Variants in MAEL observed in about 807,000 individuals in gnomAD.
The protein encoded by MAEL is protein maelstrom homolog.
MAEL carries 46 observed loss-of-function variants against 62.0 expected under a neutral mutation model. The ratio of observed to expected loss-of-function variants is 0.74; its 90% CI spans 0.59 to 0.95. MAEL has a LOEUF of 0.95. MAEL is among the 40% of genes least tolerant of loss of function. MAEL has a pLI of 0.00. For missense variants in MAEL, 497 were observed against 526.8 expected, an observed-to-expected ratio of 0.94 and a Z score of 0.55; for synonymous variants, 172 against 175.5, an observed-to-expected ratio of 0.98 and a Z score of 0.16.
chr1:166,986,945 C>CGTGT (rs58393275), upstream of MAEL, among the ~76,000 whole-genome samples: 31,575 of 146,864 alleles, frequency 0.21, 3,714 homozygotes, highest in East Asian at 0.52. Flanking sequence ...AGGAAGGGGA[C>CGTGT]GTGTGTGTGT....
At chr1:167,019,695 A>G (rs1459748522) in intron 10 of MAEL, among the ~76,000 whole-genome samples, 3 of 152,074 alleles carry the variant, frequency 2.0e-5, no homozygotes, top group Non-Finnish European at 2.9e-5. Flanking sequence ...CGTGGCCTCC[A>G]GACTTCTTTA....
rs1274092414 is a variant in MAEL, at chr1:167,004,098, C to A, written c.524-82C>A. 7.2e-6 allele frequency: 9 copies of A among 1,255,996 alleles called. No individual in the cohort carries two copies. In the African/African-American group the frequency reaches 1.4e-4, roughly 19 times the overall value. The allele number at this position is 1,255,996 out of a possible 1,614,324, so 77.8% of individuals were successfully genotyped here. On this transcript the variant is annotated intron_variant, in intron 5 of 11. Transcript: ENST00000367872. ...TTAACTGTGTGTTACCCACTACTCT[C>A]TTCTTGTACCCCCACTTCTATACCT... is the stretch of plus-strand genomic sequence containing the variant.
intron 8 of MAEL, among the ~76,000 whole-genome samples, chr1:167,009,593 T>A (rs1665080140): frequency 6.6e-6 from 1 of 151,542 alleles, no homozygotes; most frequent in Admixed American, 6.6e-5. Flanking sequence ...TCTGGAGATT[T>A]TTTTTTTTTT....
rs1406501752 is a variant in MAEL at position 166,995,744 on chromosome 1, C to CT, written c.523+1676dup. ...TTAATTTTCAAGTTTTACTTAGACTCTGTTTCAGGTTTATTCATCTGTTAA... is the reference window on the plus strand; with the variant it reads ...TTAATTTTCAAGTTTTACTTAGACTCTTGTTTCAGGTTTATTCATCTGTTAA... On this transcript the variant is annotated intron_variant, in intron 5 of 11. Transcript: ENST00000367872. Among the ~76,000 whole-genome samples, 3 of 151,890 alleles carry CT rather than the reference C, an allele frequency of 2.0e-5. No individual in the cohort carries two copies. In the East Asian group the frequency reaches 5.8e-4, roughly 29 times the overall value.
intron 5 of MAEL, among the ~76,000 whole-genome samples, chr1:167,000,869 A>G (rs1253780041): frequency 6.6e-6 from 1 of 152,206 alleles, no homozygotes; most frequent in Admixed American, 6.5e-5. Flanking sequence ...AAGTAGAACT[A>G]CCATTTGAAA....
At chr1:167,003,061 T>A (rs1664743559) in intron 5 of MAEL, among the ~76,000 whole-genome samples, 1 of 152,148 alleles carries the variant, frequency 6.6e-6, no homozygotes. Context: ...TAATCTATCA[T>A]TAGAAGTTGA....
At position 166,989,418 on chromosome 1, in the gene MAEL, A is replaced by G. The variant is rs748140415; in HGVS notation, c.66A>G (p.Leu22=). 2 of 1,603,376 alleles carry G rather than the reference A, an allele frequency of 1.2e-6. No individual in the cohort carries two copies. ...YFFVQEKIPE[L]RRRGLPVARV... Reference sequence around the variant, plus strand: ...TCGTGCAGGAGAAGATCCCCGAACTACGGCGACGAGGCCTGCCTGTGGCTC... The same window carrying G: ...TCGTGCAGGAGAAGATCCCCGAACTGCGGCGACGAGGCCTGCCTGTGGCTC... Residue 22 remains leucine, a synonymous_variant, in exon 1 of 12, where the codon CTA becomes CTG. Transcript: ENST00000367872.
At chr1:166,998,681 C>T (rs1458234944) in intron 5 of MAEL, among the ~76,000 whole-genome samples, 1 of 152,142 alleles carries the variant, frequency 6.6e-6, no homozygotes, top group Non-Finnish European at 1.5e-5. Flanking sequence ...AAGATGTTTC[C>T]CTCTACATGC....
At chr1:166,995,402 G>A (rs1447394570) in intron 5 of MAEL, among the ~76,000 whole-genome samples, 2 of 151,916 alleles carry the variant, frequency 1.3e-5, no homozygotes. Flanking sequence ...ACCACACCCG[G>A]CTACTTTTGT....
At chr1:166,986,075 G>T (rs7551881), upstream of MAEL, among the ~76,000 whole-genome samples, 45,418 of 152,050 alleles carry the variant, frequency 0.3, 7,693 homozygotes, top group Admixed American at 0.44. Flanking sequence ...ATGCAGATTA[G>T]ACATTACAGA....
At position 166,992,723 on chromosome 1, in the gene MAEL, T is replaced by G. The variant is rs1180617701; in HGVS notation, c.363T>G (p.Phe121Leu). ...GCATTTTTTATTTTTTGAACATTTT[T>G]AGCCATGGCGAGCTACCTCCTCATT... ...LGGIFYFLNI[F>L]SHGELPPHCE... is the part of the protein sequence containing the mutation. The change falls in exon 4 of 12, where the codon TTT becomes TTG. Residue 121 changes from phenylalanine to leucine, a missense_variant. Physicochemically the swap from Phe to Leu is conservative, Grantham distance 22 (BLOSUM62 0). Transcript: ENST00000367872. 1.2e-6 allele frequency: 2 copies of G among 1,603,252 alleles called. No homozygotes were observed. Among genetic ancestry groups the G allele is most frequent in the African/African-American group, 2.7e-5 (2 of 74,152 alleles).
At chr1:166,994,503 G>A (rs774711340) in intron 5 of MAEL, among the ~76,000 whole-genome samples, 5 of 152,170 alleles carry the variant, frequency 3.3e-5, no homozygotes, top group Non-Finnish European at 7.4e-5. Context: ...CAAAGGGCAT[G>A]ACTGTGTATA....
Position 166,989,841 on chromosome 1 carries a change from G to T in MAEL, c.225+12G>T, listed in dbSNP as rs1220355829. 1 of 1,602,480 alleles carries T rather than the reference G, an allele frequency of 6.2e-7. No individual in the cohort carries two copies. Among genetic ancestry groups the T allele is most frequent in the South Asian group, 1.1e-5 (1 of 89,486 alleles). On this transcript the variant is annotated intron_variant, in intron 2 of 11. Transcript: ENST00000367872. Reference sequence around the variant, plus strand: ...CCTCAGAGAAGCAGGTAAAGTTAACGAGAGAAGAGCCGCCATCTGCCTGGC... The same window carrying T: ...CCTCAGAGAAGCAGGTAAAGTTAACTAGAGAAGAGCCGCCATCTGCCTGGC...
intron 9 of MAEL, 140 bp from the exon 10 acceptor site, chr1:167,017,687 T>G: frequency 1.6e-6 from 1 of 636,876 alleles, no homozygotes; most frequent in South Asian, 3.0e-5. Flanking sequence ...TTATATGTCT[T>G]CTCTGAATCT....
At chr1:166,981,601 G>C (rs571884512) in intron 1 of MAEL, among the ~76,000 whole-genome samples, 4 of 152,248 alleles carry the variant, frequency 2.6e-5, no homozygotes, top group African/African-American at 9.6e-5. Flanking sequence ...GGGTCAATTA[G>C]TTATCAGTAG....
chr1:166,979,647 GCCTGGGAGAATGTGTTGAAAATTC>G (rs1381850045), intron 1 of MAEL, among the ~76,000 whole-genome samples: 3 of 152,222 alleles, frequency 2.0e-5, no homozygotes, highest in Admixed American at 1.3e-4. Context: ...AAAGGTAAAA[GCCTGGGAGAATGTGTTGAAAATTC>G]CATGTACTTC....
intron 11 of MAEL, 106 bp from the exon 12 acceptor site, chr1:167,021,562 G>A (rs1665630040): frequency 1.4e-6 from 1 of 736,882 alleles, no homozygotes; most frequent in South Asian, 2.6e-5. Flanking sequence ...TTGAATTATG[G>A]CTTAGTGAAA....
intron 11 of MAEL, 108 bp from the exon 12 acceptor site, chr1:167,021,560 T>C: frequency 1.4e-6 from 1 of 726,114 alleles, no homozygotes; most frequent in East Asian, 2.9e-5. Context: ...TGTTGAATTA[T>C]GGCTTAGTGA....
At chr1:166,978,244 C>A (rs1663653683) in intron 1 of MAEL, among the ~76,000 whole-genome samples, 1 of 152,190 alleles carries the variant, frequency 6.6e-6, no homozygotes, top group African/African-American at 2.4e-5. Flanking sequence ...GAGAGGTACA[C>A]ATGGTGTATC....
Sources: gnomAD v4.1 joint callset for allele counts (sites outside exome capture counted in the v4.1 genomes callset) on GRCh38, gnomAD v4.1.1 for gene constraint, MANE v1.5 for transcripts, NCBI Gene and HGNC (gene_info 2026-07-23, HGNC 2026-07-21) for gene names.